SLC26A9: variants seen among roughly 807,000 people sequenced by gnomAD.
SLC26A9 encodes solute carrier family 26 member 9.
SLC26A9 carries 46 observed loss-of-function variants against 87.1 expected under a neutral mutation model. That is an observed-to-expected ratio of 0.53 (90% confidence interval 0.42 to 0.67). The LOEUF (loss-of-function observed/expected upper bound fraction) is 0.67, where lower values mean the gene tolerates loss of function less well. Among genes scored for constraint, SLC26A9 ranks in the 30% least tolerant of loss-of-function variants. SLC26A9 has a pLI of 0.00. For synonymous variants in SLC26A9, 437 were observed against 409.1 expected (o/e 1.07, Z -0.82); for missense variants, 927 against 1,018.3 (o/e 0.91, Z 1.22).
At chr1:205,933,600 CA>C (rs2102597410) in intron 2 of SLC26A9, among the ~76,000 whole-genome samples, 1 of 152,320 alleles carries the variant, frequency 6.6e-6, no homozygotes, top group East Asian at 1.9e-4. Flanking sequence ...GAGCCTTGCA[CA>C]GGGGCACTTA....
chr1:205,926,814 T>C (rs1176281827), intron 11 of SLC26A9, among the ~76,000 whole-genome samples, 184 bp from the exon 12 acceptor site: 3 of 152,134 alleles, frequency 2.0e-5, no homozygotes, highest in Non-Finnish European at 1.5e-5. Flanking sequence ...AGCCATGGGG[T>C]CCTTCCTGGC....
intron 5 of SLC26A9, among the ~76,000 whole-genome samples, chr1:205,930,612 A>C (rs560569737): frequency 6.6e-6 from 1 of 152,038 alleles, no homozygotes; most frequent in Non-Finnish European, 1.5e-5. Flanking sequence ...ATCAGACCCA[A>C]AGTCGCTGTT....
intron 17 of SLC26A9, 39 bp from the exon 18 acceptor site, chr1:205,920,269 AAT>A: frequency 6.2e-7 from 1 of 1,612,940 alleles, no homozygotes; most frequent in Non-Finnish European, 8.5e-7. Flanking sequence ...AAAGGAAAGG[AAT>A]GTTCTGAGTG....
At chr1:205,941,361 G>A (rs1423426854) in intron 1 of SLC26A9, among the ~76,000 whole-genome samples, 4 of 151,990 alleles carry the variant, frequency 2.6e-5, no homozygotes, top group Non-Finnish European at 5.9e-5. Flanking sequence ...TAGTAGAGAC[G>A]GGGTTTCGCC....
chr1:205,918,534 G>C (rs546678811), intron 19 of SLC26A9, among the ~76,000 whole-genome samples: 1 of 152,140 alleles, frequency 6.6e-6, no homozygotes, highest in Non-Finnish European at 1.5e-5. Context: ...ACTATGCTTT[G>C]GGTGTTTGTG....
At position 205,918,900 on chromosome 1, in the gene SLC26A9, G is replaced by T; in HGVS notation, c.2196C>A (p.Asp732Glu). The T allele has an allele frequency of 1.2e-6, 2 of 1,614,204 alleles. No homozygotes were observed. Among genetic ancestry groups the T allele is most frequent in the Non-Finnish European group, 8.5e-7 (1 of 1,180,026 alleles). The change falls in exon 19 of 21, where the codon GAC becomes GAA. Residue 732 changes from aspartate (D) to glutamate (E), a missense_variant. By Grantham distance (45) the Asp-to-Glu change is conservative (BLOSUM62 2). Coordinates refer to ENST00000367135, the MANE Select transcript of SLC26A9 (RefSeq NM_052934.4). ...CATTTGCCTGGGCAAAGAGGACTGCGTCATGTATGCTGGGAAAGACGTGCT... is the reference window on the plus strand; with the variant it reads ...CATTTGCCTGGGCAAAGAGGACTGCTTCATGTATGCTGGGAAAGACGTGCT... ...ECKHVFPSIH[D>E]AVLFAQANAR...
At chr1:205,936,639 C>A (rs1469229041) in intron 1 of SLC26A9, among the ~76,000 whole-genome samples, 1 of 152,062 alleles carries the variant, frequency 6.6e-6, no homozygotes, top group Non-Finnish European at 1.5e-5. Context: ...GGTCTCCCAC[C>A]ACCCCTCTAC....
chr1:205,929,221 G>C lies in SLC26A9; in HGVS notation c.853C>G (p.Pro285Ala). The change falls in exon 7 of 21, where the codon CCT (proline) becomes GCT (alanine). Residue 285 changes from proline to alanine, a missense_variant. By Grantham distance (27) the Pro-to-Ala change is conservative. Coordinates refer to ENST00000367135, the MANE Select transcript of SLC26A9 (RefSeq NM_052934.4). ...RYMHKIRFPIPTEMIVVVVAT... is the reference protein window; with the variant it reads ...RYMHKIRFPIATEMIVVVVAT... ...GTCCTTACCACAATCATCTCTGTAG[G>C]GATGGGGAAGCGAATCTTGTGCATG... is the stretch of plus-strand genomic sequence containing the variant. 1 of 1,614,144 alleles carries C rather than the reference G, an allele frequency of 6.2e-7. No individual in the cohort carries two copies. Among genetic ancestry groups the C allele is most frequent in the Non-Finnish European group, 8.5e-7 (1 of 1,180,006 alleles).
At chr1:205,934,560 G>A (rs1417804830) in intron 2 of SLC26A9, among the ~76,000 whole-genome samples, 1 of 152,204 alleles carries the variant, frequency 6.6e-6, no homozygotes, top group African/African-American at 2.4e-5. Flanking sequence ...TAGCTTTCTA[G>A]ACATTCATTC....
rs74146724 is a variant in SLC26A9 at position 205,927,402 on chromosome 1, G to A, written c.1215+90C>T. 1,457 of 1,549,930 alleles carry A rather than the reference G, an allele frequency of 9.4e-4. 10 individuals are homozygous for A. In the African/African-American group the frequency reaches 0.017, roughly 19 times the overall value. On this transcript the variant is annotated intron_variant, in intron 10 of 20. Coordinates refer to ENST00000367135, the MANE Select transcript of SLC26A9 (RefSeq NM_052934.4). ...ACTAAGACGGGAAGAAGGGGTCGGAGAAGAGCTGGCCTGGCTTGCAGTGCC... is the reference window on the plus strand; with the variant it reads ...ACTAAGACGGGAAGAAGGGGTCGGAAAAGAGCTGGCCTGGCTTGCAGTGCC...
Position 205,928,904 on chromosome 1 carries a change from C to A in SLC26A9, c.876G>T (p.Val292=), listed in dbSNP as rs1460371730. 6.2e-7 allele frequency: 1 copy of A among 1,614,162 alleles called. No individual in the cohort carries two copies. The highest frequency in any genetic ancestry group is 1.7e-5 in the Admixed American group (1 of 60,028). ...AGCCCCCGGAGATAGCTGTTGCCAC[C>A]ACCACCTGCAAACCCCAGAGTGGAG... ...FPIPTEMIVV[V]VATAISGGCK... is the part of the protein sequence containing the mutation. Residue 292 remains valine, a synonymous_variant, in exon 8 of 21, where the codon GTG becomes GTT. Transcript: ENST00000367135.
intron 20 of SLC26A9, among the ~76,000 whole-genome samples, chr1:205,915,777 C>T (rs779393527): frequency 5.3e-5 from 8 of 152,114 alleles, no homozygotes; most frequent in Non-Finnish European, 1.2e-4. Flanking sequence ...TATTTTGGTC[C>T]TATCCAGGCT....
chr1:205,923,139 C>G lies in SLC26A9; in HGVS notation c.1716G>C (p.Gln572His). 6.2e-7 allele frequency: 1 copy of G among 1,614,176 alleles called. No individual in the cohort carries two copies. The highest frequency in any genetic ancestry group is 8.5e-7 in the Non-Finnish European group (1 of 1,180,044). Reference sequence around the variant, plus strand: ...GTGTGGGCCTCATTCTCCGCTTCTCCTGCTTCTTGAGGTATTTTTGCTTGG... The same window carrying G: ...GTGTGGGCCTCATTCTCCGCTTCTCGTGCTTCTTGAGGTATTTTTGCTTGG... Reference protein sequence around the residue: ...LLAKQKYLKKQEKRRMRPTQQ... With the variant: ...LLAKQKYLKKHEKRRMRPTQQ... Residue 572 changes from glutamine to histidine, a missense_variant, in exon 16 of 21, where the codon CAG (glutamine) becomes CAC (histidine). Gln to His is a conservative substitution (Grantham distance 24, BLOSUM62 0). Coordinates refer to ENST00000367135, the MANE Select transcript of SLC26A9 (RefSeq NM_052934.4).
At chr1:205,915,542 G>A in intron 20 of SLC26A9, 138 bp from the exon 21 acceptor site, 7 of 1,203,118 alleles carry the variant, frequency 5.8e-6, no homozygotes, top group Non-Finnish European at 8.3e-6. Flanking sequence ...GTGTGTGTGT[G>A]TGTGTGCGAG....
chr1:205,914,634 A>G lies in SLC26A9; in HGVS notation c.*723T>C. On this transcript the variant is annotated 3_prime_UTR_variant, in exon 21 of 21. Transcript: ENST00000367135. ...CAGTGATGTTTCAGGAGGCTGAGGCAGAACCTTAGTGGGCTGTCCCCGGGG... is the reference window on the plus strand; with the variant it reads ...CAGTGATGTTTCAGGAGGCTGAGGCGGAACCTTAGTGGGCTGTCCCCGGGG... 2 of 436,140 alleles carry G rather than the reference A, an allele frequency of 4.6e-6. No homozygotes were observed. Among genetic ancestry groups the G allele is most frequent in the Non-Finnish European group, 8.1e-6 (2 of 245,716 alleles). The allele number at this position is 436,140 out of a possible 1,614,324, so 27.0% of individuals were successfully genotyped here.
intron 16 of SLC26A9, among the ~76,000 whole-genome samples, chr1:205,922,230 G>A (rs189462816): frequency 1.3e-5 from 2 of 152,134 alleles, no homozygotes; most frequent in African/African-American, 2.4e-5. Flanking sequence ...TCTGCCTCCC[G>A]GGTTCAAGTG....
At chr1:205,931,549 C>T (rs935174860) in intron 5 of SLC26A9, among the ~76,000 whole-genome samples, 3 of 147,506 alleles carry the variant, frequency 2.0e-5, no homozygotes, top group African/African-American at 7.5e-5. Flanking sequence ...TCACTGCAAC[C>T]TCTGCCTCCC....
Position 205,915,063 on chromosome 1 carries a change from G to A in SLC26A9, c.*294C>T, listed in dbSNP as rs2102566165. The stretch of plus-strand genomic sequence containing the variant: ...CAGCTGCCAAGGACAGGGCAGAGGT[G>A]GGTGGGGTGGAGTGAGCAGGAGGCT... On this transcript the variant is annotated 3_prime_UTR_variant, in exon 21 of 21. Transcript: ENST00000367135. 1 of 1,614,180 alleles carries A rather than the reference G, an allele frequency of 6.2e-7. No individual in the cohort carries two copies. The highest frequency in any genetic ancestry group is 2.2e-5 in the East Asian group (1 of 44,890).
At chr1:205,927,802 C>A (rs1659139762) in intron 9 of SLC26A9, 100 bp downstream of exon 9, 2 of 1,546,420 alleles carry the variant, frequency 1.3e-6, no homozygotes, top group Non-Finnish European at 1.8e-6. Context: ...TCGAGGCAGC[C>A]TGCCTCACCT....
Sources: gnomAD v4.1 joint callset for allele counts (sites outside exome capture counted in the v4.1 genomes callset) on GRCh38, gnomAD v4.1.1 for gene constraint, MANE v1.5 for transcripts, NCBI Gene and HGNC (gene_info 2026-07-23, HGNC 2026-07-21) for gene names.